KCNH1: variants seen among roughly 807,000 people sequenced by gnomAD.
KCNH1 encodes potassium voltage-gated channel subfamily H member 1, also known as voltage-gated delayed rectifier potassium channel KCNH1.
KCNH1 carries 27 observed loss-of-function variants against 69.2 expected under a neutral mutation model. That is an observed-to-expected ratio of 0.39 (90% CI 0.29 to 0.54). The LOEUF is 0.54. Among genes scored for constraint, KCNH1 ranks in the 20% least tolerant of loss-of-function variants. The pLI is 0.68. For synonymous variants in KCNH1, 456 were observed against 487.7 expected (o/e 0.93, Z 0.86); for missense variants, 798 against 1,261.6 (o/e 0.63, Z 5.57).
chr1:210,856,699 A>C (rs986367559), intron 7 of KCNH1, among the ~76,000 whole-genome samples: 6 of 147,068 alleles, frequency 4.1e-5, no homozygotes, highest in African/African-American at 1.5e-4. Context: ...CCATCAAGAT[A>C]AACTAATCTT....
chr1:210,919,532 C>G lies in KCNH1; in HGVS notation c.1462+108G>C. On this transcript the variant is annotated intron_variant, in intron 7 of 10. Coordinates refer to ENST00000271751, the MANE Select transcript of KCNH1 (RefSeq NM_172362.3). The surrounding 1 kb of genome is among the most constrained non-coding windows in gnomAD (Gnocchi z 4.2). ...TAAGCCTAGTCTTAAAAAAACTCTT[C>G]CTTGTTTTAAGTTATTATTCTCCTG... 1.8e-6 allele frequency: 2 copies of G among 1,093,948 alleles called. No individual in the cohort carries two copies. Among genetic ancestry groups the G allele is most frequent in the Non-Finnish European group, 2.7e-6 (2 of 751,154 alleles). 67.8% of individuals were successfully genotyped at this position (1,093,948 alleles called of 1,614,324 possible).
At position 211,133,719 on chromosome 1, in the gene KCNH1, C is replaced by G. The variant is rs1428955645; in HGVS notation, c.79+148G>C. ...CCGCCCTGCCCACCTTTCTCTGCCTCGGGGAGGCTGCCCTGGGTGCCCGCG... is the reference window on the plus strand; with the variant it reads ...CCGCCCTGCCCACCTTTCTCTGCCTGGGGGAGGCTGCCCTGGGTGCCCGCG... On this transcript the variant is annotated intron_variant, in intron 1 of 10. Coordinates refer to ENST00000271751, the MANE Select transcript of KCNH1 (RefSeq NM_172362.3). This position sits in a 1 kb window ranked among gnomAD's most constrained non-coding sequence, Gnocchi z 5.4. 6.0e-6 allele frequency: 4 copies of G among 667,676 alleles called. No individual in the cohort carries two copies. The highest frequency in any genetic ancestry group is 1.1e-5 in the Non-Finnish European group (4 of 378,544). The allele number at this position is 667,676 out of a possible 1,614,324, so 41.4% of individuals were successfully genotyped here.
intron 6 of KCNH1, among the ~76,000 whole-genome samples, chr1:211,006,990 ATGTT>A (rs1220271145): frequency 2.6e-5 from 4 of 152,160 alleles, no homozygotes; most frequent in Non-Finnish European, 5.9e-5. Context: ...ATATGCCAAA[ATGTT>A]AAGATAAAAT....
intron 6 of KCNH1, among the ~76,000 whole-genome samples, chr1:210,987,956 G>A (rs1369080223): frequency 1.3e-5 from 2 of 152,230 alleles, no homozygotes; most frequent in East Asian, 3.8e-4. Flanking sequence ...TGGCTGCTTT[G>A]TTTACCTAAT....
At chr1:211,130,216 TA>T (rs1203802902) in intron 1 of KCNH1, among the ~76,000 whole-genome samples, 1 of 152,184 alleles carries the variant, frequency 6.6e-6, no homozygotes, top group Non-Finnish European at 1.5e-5. Context: ...GACATGACCA[TA>T]AGCAAAATCA....
intron 5 of KCNH1, among the ~76,000 whole-genome samples, chr1:211,080,915 T>A (rs1218591881): frequency 6.6e-6 from 1 of 152,130 alleles, no homozygotes; most frequent in Admixed American, 6.5e-5. Flanking sequence ...GGGCAAGGAC[T>A]TCATGACTAA....
At chr1:211,079,005 C>CA (rs1690795169) in intron 5 of KCNH1, among the ~76,000 whole-genome samples, 2 of 150,512 alleles carry the variant, frequency 1.3e-5, no homozygotes, top group South Asian at 4.2e-4. Flanking sequence ...AAAAAACCTT[C>CA]AAAAAATCAA....
At chr1:210,880,698 A>G (rs1348630739) in intron 7 of KCNH1, among the ~76,000 whole-genome samples, 3 of 152,166 alleles carry the variant, frequency 2.0e-5, no homozygotes, top group Non-Finnish European at 4.4e-5. Flanking sequence ...TGCCGCACCA[A>G]AGGCACAAGA....
chr1:211,127,335 C>G (rs1691793456), intron 1 of KCNH1, among the ~76,000 whole-genome samples: 1 of 151,942 alleles, frequency 6.6e-6, no homozygotes, highest in Non-Finnish European at 1.5e-5. Context: ...AGTTCCTTCT[C>G]CCTTCCAGCT....
Position 210,917,403 on chromosome 1 carries a change from C to A in KCNH1, c.1462+2237G>T, listed in dbSNP as rs181311951. Among the ~76,000 whole-genome samples the A allele has an allele frequency of 3.3e-5, 5 of 151,668 alleles. No homozygotes were observed. The East Asian group carries it at 5.8e-4, about 18-fold the overall frequency. ...TCAGAAGGTGGGAAGAGAAAAGAGGCGGTAAATAATTGAGGTTTTCCCTGG... is the reference window on the plus strand; with the variant it reads ...TCAGAAGGTGGGAAGAGAAAAGAGGAGGTAAATAATTGAGGTTTTCCCTGG... On this transcript the variant is annotated intron_variant, in intron 7 of 10. Transcript: ENST00000271751.
At chr1:210,906,130 A>G (rs1687097555) in intron 7 of KCNH1, among the ~76,000 whole-genome samples, 1 of 152,216 alleles carries the variant, frequency 6.6e-6, no homozygotes, top group Admixed American at 6.5e-5. Flanking sequence ...TATTTTCAGC[A>G]GGGCTGGCTG....
At chr1:210,704,867 TAC>T (rs1281232112) in intron 10 of KCNH1, among the ~76,000 whole-genome samples, 1 of 152,236 alleles carries the variant, frequency 6.6e-6, no homozygotes, top group Non-Finnish European at 1.5e-5. Flanking sequence ...CATTCCTCCC[TAC>T]ACACACTTTG....
At chr1:211,059,552 T>C (rs557221335) in intron 5 of KCNH1, among the ~76,000 whole-genome samples, 4 of 151,880 alleles carry the variant, frequency 2.6e-5, no homozygotes, top group African/African-American at 7.2e-5. Context: ...ACCATCCTGG[T>C]TAACACGGTG....
intron 10 of KCNH1, among the ~76,000 whole-genome samples, chr1:210,768,543 C>T (rs1683686438): frequency 6.6e-6 from 1 of 151,822 alleles, no homozygotes; most frequent in Non-Finnish European, 1.5e-5. Context: ...AGGCAACATG[C>T]CTGGCACTTT....
chr1:210,826,983 C>G (rs1357988214), intron 7 of KCNH1, among the ~76,000 whole-genome samples: 1 of 152,226 alleles, frequency 6.6e-6, no homozygotes, highest in Non-Finnish European at 1.5e-5. Flanking sequence ...GTTTCTTAAA[C>G]CTGGACTGAA....
At position 210,708,209 on chromosome 1, in the gene KCNH1, T is replaced by A. The variant is rs188542246; in HGVS notation, c.2113-24071A>T. On this transcript the variant is annotated intron_variant, in intron 10 of 10. Transcript: ENST00000271751. Reference sequence around the variant, plus strand: ...ATGCTGCTTTTACTCTGGATGGCTCTTCCCTTCCCCCACTCCCATTGTTGG... The same window carrying A: ...ATGCTGCTTTTACTCTGGATGGCTCATCCCTTCCCCCACTCCCATTGTTGG... Among the ~76,000 whole-genome samples the A allele has an allele frequency of 5.0e-3, 749 of 149,728 alleles. 10 individuals carry two copies. Among genetic ancestry groups the A allele is most frequent in the African/African-American group, 0.018 (703 of 39,502 alleles).
chr1:211,122,382 T>C (rs982559210), intron 1 of KCNH1, among the ~76,000 whole-genome samples: 8 of 152,196 alleles, frequency 5.3e-5, no homozygotes, highest in Admixed American at 2.0e-4. Flanking sequence ...TTGTTGGGAA[T>C]GTAAACTAGT....
At chr1:211,053,831 A>G (rs1009487734) in intron 5 of KCNH1, among the ~76,000 whole-genome samples, 11 of 151,290 alleles carry the variant, frequency 7.3e-5, no homozygotes, top group African/African-American at 2.7e-4. Flanking sequence ...ACAAGAGGAA[A>G]TTAAACACCA....
intron 7 of KCNH1, among the ~76,000 whole-genome samples, chr1:210,848,912 G>T (rs1186012718): frequency 6.6e-6 from 1 of 152,142 alleles, no homozygotes; most frequent in East Asian, 1.9e-4. Flanking sequence ...AAAGAGTTAA[G>T]TGTCTTAGAC....
Sources: allele counts gnomAD v4.1 joint callset (sites outside exome capture counted in the v4.1 genomes callset), GRCh38; gene constraint gnomAD v4.1.1; non-coding constraint Gnocchi (gnomAD v3.1); transcripts MANE v1.5; gene names NCBI Gene and HGNC (gene_info 2026-07-23, HGNC 2026-07-21).